Variants in COTL1 observed in about 807,000 individuals in gnomAD.
COTL1 encodes the protein coactosin-like protein.
A neutral mutation model predicts 16.5 loss-of-function variants in COTL1; 15 were observed. The ratio of observed to expected loss-of-function variants is 0.91; its 90% CI spans 0.61 to 1.40. COTL1 has a LOEUF of 1.40. COTL1 is among the 40% of genes most tolerant of loss of function. The probability of loss-of-function intolerance (pLI) is 0.00; values close to 1 mark genes in which losing one functional copy is unlikely to be tolerated. For missense variants in COTL1, 220 were observed against 201.5 expected, an observed-to-expected ratio of 1.09 and a Z score of -0.56; for synonymous variants, 112 against 85.3, an observed-to-expected ratio of 1.31 and a Z score of -1.73.
chr16:84,566,980 C>A lies in COTL1; in HGVS notation c.319-25G>T, dbSNP rs147198103. ...TCTGCAAGAACAAAGGAAAACACAG[C>A]GTTCCTATTAAGAAGGAAGGCACAG... is the stretch of plus-strand genomic sequence containing the variant. On this transcript the variant is annotated intron_variant, in intron 3 of 3. Transcript: ENST00000262428. The A allele has an allele frequency of 8.4e-6, 13 of 1,549,884 alleles. 1 individual carries two copies. In the South Asian group the frequency reaches 1.0e-4, roughly 12 times the overall value.
chr16:84,615,362 C>A (rs934674858), intron 2 of COTL1, among the ~76,000 whole-genome samples: 2 of 152,216 alleles, frequency 1.3e-5, no homozygotes, highest in African/African-American at 4.8e-5. Context: ...AAACCACAAG[C>A]CTGTGGGAGG....
rs145816466 is a variant in COTL1 at position 84,611,160 on chromosome 16, T to C, written c.160+6341A>G. 5.1e-3 allele frequency among the ~76,000 whole-genome samples: 777 copies of C among 152,284 alleles called. 10 individuals are homozygous for C. Among genetic ancestry groups the C allele is most frequent in the African/African-American group, 0.017 (722 of 41,546 alleles). Reference sequence around the variant, plus strand: ...AAGGTCACACAGCACAGCAAGGCTATCGTTCAAAGCAAGACGCCCCAGCCT... The same window carrying C: ...AAGGTCACACAGCACAGCAAGGCTACCGTTCAAAGCAAGACGCCCCAGCCT... On this transcript the variant is annotated intron_variant, in intron 2 of 3. Coordinates refer to ENST00000262428, the MANE Select transcript of COTL1 (RefSeq NM_021149.5).
chr16:84,591,442 C>A (rs986540016), intron 2 of COTL1, among the ~76,000 whole-genome samples: 1 of 151,526 alleles, frequency 6.6e-6, no homozygotes, highest in African/African-American at 2.4e-5. Context: ...CCTCAGCCTC[C>A]CAAAGTGCTG....
chr16:84,608,032 G>A (rs1230642587), intron 2 of COTL1, among the ~76,000 whole-genome samples: 1 of 152,150 alleles, frequency 6.6e-6, no homozygotes, highest in Non-Finnish European at 1.5e-5. Flanking sequence ...ATCTTTTCAG[G>A]AGGTGCTGGC....
intron 3 of COTL1, among the ~76,000 whole-genome samples, chr16:84,570,834 A>C (rs1372584069): frequency 6.6e-6 from 1 of 152,240 alleles, no homozygotes; most frequent in Admixed American, 6.5e-5. Context: ...GTTAGAAAGC[A>C]AGTGTCTTAA....
intron 3 of COTL1, among the ~76,000 whole-genome samples, chr16:84,574,777 T>A (rs1345732712): frequency 6.6e-6 from 1 of 151,876 alleles, no homozygotes; most frequent in African/African-American, 2.4e-5. Flanking sequence ...AGAGACGGGG[T>A]TTCACCATGT....
chr16:84,597,799 C>T (rs528746637), intron 2 of COTL1, among the ~76,000 whole-genome samples: 4 of 152,280 alleles, frequency 2.6e-5, no homozygotes, highest in South Asian at 2.1e-4. Flanking sequence ...CTGCAGAGTC[C>T]GTGGTTCCTG....
chr16:84,591,823 CAAATAAAATA>C lies in COTL1; in HGVS notation c.161-1571_161-1562del, dbSNP rs11273175. On this transcript the variant is annotated intron_variant, in intron 2 of 3. Transcript: ENST00000262428. ...TGGGTGGCCAACTGAGACCCTGTCT[CAAATAAAATA>C]AAATAAAATAAAATAAAATAAAATA... Among the ~76,000 whole-genome samples the C allele has an allele frequency of 7.9e-3, 949 of 120,636 alleles. 4 individuals carry two copies. The highest frequency in any genetic ancestry group is 0.019 in the African/African-American group (610 of 32,618). The allele number at this position is 120,636 out of a possible 152,430, so 79.1% of individuals were successfully genotyped here. A position where few individuals can be genotyped will look rare whatever the true frequency, so the allele number is the denominator to read the frequency against.
At position 84,566,965 on chromosome 16, in the gene COTL1, C is replaced by A; in HGVS notation, c.319-10G>T. 6.3e-7 allele frequency: 1 copy of A among 1,589,640 alleles called. No individual in the cohort carries two copies. The highest frequency in any genetic ancestry group is 8.6e-7 in the Non-Finnish European group (1 of 1,157,838). The stretch of plus-strand genomic sequence containing the variant: ...ACTCCTTAGCGAAATTCTGCAAGAA[C>A]AAAGGAAAACACAGCGTTCCTATTA... On this transcript the variant is annotated splice_polypyrimidine_tract_variant and intron_variant, in intron 3 of 3. Transcript: ENST00000262428.
chr16:84,577,613 C>T (rs982420669), intron 3 of COTL1, among the ~76,000 whole-genome samples: 3 of 152,172 alleles, frequency 2.0e-5, no homozygotes, highest in Non-Finnish European at 4.4e-5. Context: ...CAAAATGGCA[C>T]GGGCTCGGGT....
chr16:84,578,839 A>G (rs1904511155), intron 3 of COTL1, among the ~76,000 whole-genome samples: 1 of 152,158 alleles, frequency 6.6e-6, no homozygotes, highest in African/African-American at 2.4e-5. Context: ...AGGTGCATAG[A>G]AACACAGGTA....
In COTL1 at chr16:84,590,210, G is replaced by T; in HGVS notation, c.213C>A (p.Ser71Arg). Residue 71 changes from serine (S) to arginine (R), a missense_variant, in exon 3 of 4, where the codon AGC (serine) becomes AGA (arginine). Coordinates refer to ENST00000262428, the MANE Select transcript of COTL1 (RefSeq NM_021149.5). The surrounding 1 kb of genome is among the most constrained non-coding windows in gnomAD (Gnocchi z 5.5). ...FVRFTTGDAM[S>R]KRSKFALITW... ...TGATGAGGGCAAACTTGGACCTCTTGCTCATGGCATCCCCGGTGGTGAAGC... is the reference window on the plus strand; with the variant it reads ...TGATGAGGGCAAACTTGGACCTCTTTCTCATGGCATCCCCGGTGGTGAAGC... 6.2e-7 allele frequency: 1 copy of T among 1,614,190 alleles called. No homozygotes were observed. Among genetic ancestry groups the T allele is most frequent in the South Asian group, 1.1e-5 (1 of 91,086 alleles).
At chr16:84,614,893 C>T (rs1036292137) in intron 2 of COTL1, among the ~76,000 whole-genome samples, 4 of 152,304 alleles carry the variant, frequency 2.6e-5, no homozygotes, top group East Asian at 1.9e-4. Flanking sequence ...CCCGAGCCAG[C>T]CTGCCTGGGT....
intron 3 of COTL1, among the ~76,000 whole-genome samples, chr16:84,573,582 C>A (rs1904380883): frequency 6.6e-6 from 1 of 152,062 alleles, no homozygotes; most frequent in South Asian, 2.1e-4. Flanking sequence ...CAAGGCCAGC[C>A]TGGCCAACAT....
chr16:84,599,485 A>G (rs898056398), intron 2 of COTL1, among the ~76,000 whole-genome samples: 2 of 152,216 alleles, frequency 1.3e-5, no homozygotes, highest in Non-Finnish European at 2.9e-5. Flanking sequence ...GGATCTTTTC[A>G]GCTACTTTCA....
At chr16:84,596,373 T>A (rs1008549159) in intron 2 of COTL1, 1 of 152,296 alleles carries the variant, frequency 6.6e-6, no homozygotes, top group African/African-American at 2.4e-5. Flanking sequence ...TAAGCCTCAG[T>A]TTCCTCATCC....
intron 3 of COTL1, among the ~76,000 whole-genome samples, chr16:84,587,482 A>G (rs540009270): frequency 5.3e-5 from 8 of 152,336 alleles, no homozygotes; most frequent in African/African-American, 1.9e-4. Context: ...TAAAAATTGG[A>G]AGCAACTTAA....
intron 2 of COTL1, among the ~76,000 whole-genome samples, chr16:84,601,892 C>T (rs537449606): frequency 6.6e-6 from 1 of 152,316 alleles, no homozygotes; most frequent in African/African-American, 2.4e-5. Context: ...AAGTTCAAAA[C>T]GCCTTCCTCC....
chr16:84,574,558 T>C, intron 3 of COTL1, among the ~76,000 whole-genome samples: 1 of 152,230 alleles, frequency 6.6e-6, no homozygotes, highest in Admixed American at 6.5e-5. Context: ...TTTGGAATTA[T>C]GCAACCAGCA....
Sources: gnomAD v4.1 joint callset for allele counts (sites outside exome capture counted in the v4.1 genomes callset) on GRCh38, gnomAD v4.1.1 for gene constraint, Gnocchi (gnomAD v3.1) non-coding constraint, MANE v1.5 for transcripts, NCBI Gene and HGNC (gene_info 2026-07-23, HGNC 2026-07-21) for gene names.